The following TAB2 variants were observed in gnomAD, a reference collection of about 807,000 sequenced individuals.
TAB2 encodes the protein TGF-beta activated kinase 1 (MAP3K7) binding protein 2.
A neutral mutation model predicts 65.0 loss-of-function variants in TAB2; 3 were observed. The observed-to-expected ratio is 0.05, with a 90% CI of 0.02 to 0.12. The LOEUF is 0.12. Ranked by LOEUF, TAB2 falls within the 10% of genes least tolerant of loss-of-function variation. The probability of loss-of-function intolerance (pLI) is 1.00; values close to 1 mark genes in which losing one functional copy is unlikely to be tolerated. For missense variants in TAB2, 623 were observed against 840.3 expected (o/e 0.74, Z 3.20); for synonymous variants, 298 against 285.1 (o/e 1.05, Z -0.46).
At position 149,277,652 on chromosome 6, in the gene TAB2, T is replaced by C. The variant is rs184451084; in HGVS notation, c.-121+58876T>C. On this transcript the variant is annotated intron_variant, in intron 1 of 1. Transcript: ENST00000606202. The stretch of plus-strand genomic sequence containing the variant: ...TTGATATTAGAACTACATAAATAGG[T>C]ACTATAATACCTATTCAAAAAATCA... 2.1e-3 allele frequency among the ~76,000 whole-genome samples: 318 copies of C among 152,282 alleles called. 1 individual carries two copies. The highest frequency in any genetic ancestry group is 0.014 in the Middle Eastern group (4 of 294).
chr6:149,300,199 T>A (rs1027440352), intron 1 of TAB2, among the ~76,000 whole-genome samples: 23 of 152,184 alleles, frequency 1.5e-4, no homozygotes, highest in African/African-American at 5.6e-4. Flanking sequence ...AGGTAAGGGA[T>A]CCATCCTAAA....
At chr6:149,253,617 C>CAAAAAAA (rs1170705031) in intron 1 of TAB2, among the ~76,000 whole-genome samples, 15 of 65,240 alleles carry the variant, frequency 2.3e-4, no homozygotes, top group Non-Finnish European at 3.2e-4. Flanking sequence ...AAGACTGTCT[C>CAAAAAAA]AAAAAAAAAA....
At chr6:149,330,493 A>T (rs1356373335) in intron 1 of TAB2, among the ~76,000 whole-genome samples, 1 of 152,188 alleles carries the variant, frequency 6.6e-6, no homozygotes, top group African/African-American at 2.4e-5. Flanking sequence ...CCAGTCTAAT[A>T]GTATGTAGTG....
In TAB2 at chr6:149,409,977, C is replaced by T; in HGVS notation, c.*258C>T. 1 of 536,686 alleles carries T rather than the reference C, an allele frequency of 1.9e-6. No individual in the cohort carries two copies. Among genetic ancestry groups the T allele is most frequent in the Admixed American group, 3.2e-5 (1 of 31,280 alleles). The allele number at this position is 536,686 out of a possible 1,614,324, so 33.2% of individuals were successfully genotyped here. ...ACTGCCTAACTGTGTACAGTGTTACCAGTGTCCCATTATGGATAATTCTCA... is the reference window on the plus strand; with the variant it reads ...ACTGCCTAACTGTGTACAGTGTTACTAGTGTCCCATTATGGATAATTCTCA... On this transcript the variant is annotated 3_prime_UTR_variant, in exon 7 of 7. Transcript: ENST00000637181.
At chr6:149,362,742 T>A (rs1157887855) in intron 1 of TAB2, among the ~76,000 whole-genome samples, 1 of 152,248 alleles carries the variant, frequency 6.6e-6, no homozygotes. Flanking sequence ...CAAGAGCAGT[T>A]AACTTCAATC....
chr6:149,398,099 A>G (rs558930882), intron 5 of TAB2, 37 bp downstream of exon 5: 1 of 1,562,700 alleles, frequency 6.4e-7, no homozygotes, highest in African/African-American at 1.4e-5. Flanking sequence ...AATTCATCGT[A>G]TTTAATTCAC....
chr6:149,298,414 G>T (rs1015361954), intron 1 of TAB2, among the ~76,000 whole-genome samples: 1 of 152,178 alleles, frequency 6.6e-6, no homozygotes, highest in African/African-American at 2.4e-5. Context: ...AATGGCTTGA[G>T]CCTGGAGTTT....
At chr6:149,391,239 T>A (rs1697523304) in intron 3 of TAB2, among the ~76,000 whole-genome samples, 1 of 152,228 alleles carries the variant, frequency 6.6e-6, no homozygotes, top group African/African-American at 2.4e-5. Context: ...TACCTTTGTA[T>A]GTAATCTACT....
At chr6:149,377,509 A>G (rs1781444871) in intron 2 of TAB2, among the ~76,000 whole-genome samples, 1 of 152,230 alleles carries the variant, frequency 6.6e-6, no homozygotes. Context: ...GATGACTGGT[A>G]TGAATTTCAG....
chr6:149,308,081 A>G (rs1047555216), intron 1 of TAB2, among the ~76,000 whole-genome samples: 1 of 152,218 alleles, frequency 6.6e-6, no homozygotes, highest in African/African-American at 2.4e-5. Flanking sequence ...ATCTTATTTT[A>G]TTGTACCAAT....
chr6:149,383,403 C>CT (rs1024536192), intron 3 of TAB2, among the ~76,000 whole-genome samples: 1 of 152,188 alleles, frequency 6.6e-6, no homozygotes, highest in Non-Finnish European at 1.5e-5. Flanking sequence ...GGTTAAAGCT[C>CT]TAACAACCTT....
At chr6:149,403,160 G>C (rs1368853449) in intron 6 of TAB2, among the ~76,000 whole-genome samples, 1 of 149,736 alleles carries the variant, frequency 6.7e-6, no homozygotes, top group Non-Finnish European at 1.5e-5. Context: ...CTTGAATCTG[G>C]GAGGCAGAGG....
chr6:149,339,426 A>G (rs184960633), intron 1 of TAB2, among the ~76,000 whole-genome samples: 56 of 152,256 alleles, frequency 3.7e-4, no homozygotes, highest in Non-Finnish European at 7.4e-4. Flanking sequence ...AATATGTAGG[A>G]TTAAGTAGGT....
At chr6:149,382,682 A>C (rs1781654421) in intron 3 of TAB2, among the ~76,000 whole-genome samples, 1 of 152,178 alleles carries the variant, frequency 6.6e-6, no homozygotes, top group Non-Finnish European at 1.5e-5. Flanking sequence ...CCAGATTTTC[A>C]TAATAAACCC....
chr6:149,259,975 T>C (rs992634959), intron 1 of TAB2, among the ~76,000 whole-genome samples: 3 of 152,154 alleles, frequency 2.0e-5, no homozygotes, highest in Non-Finnish European at 2.9e-5. Flanking sequence ...ATGTGAGTAA[T>C]ATAAGACTAC....
In TAB2 at chr6:149,378,805, C is replaced by T; in HGVS notation, c.890C>T (p.Thr297Ile). 6.2e-7 allele frequency: 1 copy of T among 1,614,204 alleles called. No individual in the cohort carries two copies. The highest frequency in any genetic ancestry group is 8.5e-7 in the Non-Finnish European group (1 of 1,180,032). ...ISSPTTSQPP[T>I]IHSSGSSQSS... is the part of the protein sequence containing the mutation. Reference sequence around the variant, plus strand: ...TCACCTACTACTTCACAACCACCAACCATTCATTCATCTGGTAGCTCACAG... The same window carrying T: ...TCACCTACTACTTCACAACCACCAATCATTCATTCATCTGGTAGCTCACAG... Residue 297 changes from threonine to isoleucine, a missense_variant, in exon 3 of 7, where the codon ACC (threonine) becomes ATC (isoleucine). Around this residue, in one of 3 missense-constraint regions of TAB2, gnomAD observed 550 missense variants for 665.7 expected, o/e 0.83. Coordinates refer to ENST00000637181, the MANE Select transcript of TAB2 (RefSeq NM_001292034.3).
chr6:149,345,950 C>A (rs1780281959), intron 1 of TAB2, among the ~76,000 whole-genome samples: 1 of 152,050 alleles, frequency 6.6e-6, no homozygotes. Context: ...CATGGTGTTC[C>A]TTAGTGTGGC....
chr6:149,392,895 A>G (rs1782037620), intron 3 of TAB2, among the ~76,000 whole-genome samples: 1 of 152,224 alleles, frequency 6.6e-6, no homozygotes, highest in Admixed American at 6.5e-5. Context: ...ATAATGGACA[A>G]ATATTGGGTG....
At chr6:149,339,572 A>G (rs1043957759) in intron 1 of TAB2, among the ~76,000 whole-genome samples, 2 of 147,216 alleles carry the variant, frequency 1.4e-5, no homozygotes, top group Non-Finnish European at 3.0e-5. Context: ...AGCACGGCCC[A>G]ATAATTAATC....
Sources: allele counts gnomAD v4.1 joint callset (sites outside exome capture counted in the v4.1 genomes callset), GRCh38; gene constraint gnomAD v4.1.1; regional missense constraint gnomAD v4.1.1; transcripts MANE v1.5; gene names NCBI Gene and HGNC (gene_info 2026-07-23, HGNC 2026-07-21).